Variants in PKP1 observed in about 807,000 individuals in gnomAD.
The protein encoded by PKP1 is plakophilin-1.
A neutral mutation model predicts 76.4 loss-of-function variants in PKP1; 27 were observed. That is an observed-to-expected ratio of 0.35 (90% confidence interval 0.26 to 0.49). The LOEUF (loss-of-function observed/expected upper bound fraction) is 0.49. Among genes scored for constraint, PKP1 ranks in the 20% least tolerant of loss-of-function variants. PKP1 has a pLI of 0.99. For missense variants in PKP1, 964 were observed against 955.2 expected (o/e 1.01, Z -0.12); for synonymous variants, 404 against 384.2 (o/e 1.05, Z -0.60).
At chr1:201,298,252 A>G (rs1156898423) in intron 2 of PKP1, among the ~76,000 whole-genome samples, 1 of 152,210 alleles carries the variant, frequency 6.6e-6, no homozygotes, top group African/African-American at 2.4e-5. Context: ...GATGCGGGGA[A>G]TAGAGAGCTG....
intron 3 of PKP1, among the ~76,000 whole-genome samples, chr1:201,314,621 G>A (rs1326234857): frequency 6.6e-6 from 1 of 152,254 alleles, no homozygotes; most frequent in Non-Finnish European, 1.5e-5. Flanking sequence ...GCCCCGTTAG[G>A]AGCCATAGAC....
At chr1:201,284,348 G>A (rs971688155) in intron 1 of PKP1, among the ~76,000 whole-genome samples, 1 of 152,194 alleles carries the variant, frequency 6.6e-6, no homozygotes, top group Non-Finnish European at 1.5e-5. Context: ...AACGGTTGTG[G>A]GCCACCCTTC....
chr1:201,294,003 C>G lies in PKP1; in HGVS notation c.264C>G (p.Tyr88Ter), dbSNP rs760921095. 6.2e-7 allele frequency: 1 copy of G among 1,613,944 alleles called. No homozygotes were observed. Among genetic ancestry groups the G allele is most frequent in the Admixed American group, 1.7e-5 (1 of 60,022 alleles). ...ATGGGACCACCAGCAGGAGCAGCTA[C>G]TACTCCAAGTTCCAGGCAGGGAATG... is the stretch of plus-strand genomic sequence containing the variant. Reference protein sequence around the residue: ...YNYGTTSRSSYYSKFQAGNGS... With the variant: ...YNYGTTSRSS The change falls in exon 2 of 14, where the codon TAC becomes TAG. Residue 88 changes from tyrosine to a stop codon, truncating the protein, a stop_gained. Coordinates refer to ENST00000367324, the MANE Select transcript of PKP1 (RefSeq NM_001005337.3). LOFTEE classifies it high-confidence loss of function.
At chr1:201,303,374 C>T (rs1282022260) in intron 2 of PKP1, among the ~76,000 whole-genome samples, 1 of 152,142 alleles carries the variant, frequency 6.6e-6, no homozygotes, top group Non-Finnish European at 1.5e-5. Flanking sequence ...GCAATCCTCC[C>T]ACCTCAGACT....
chr1:201,304,045 C>T (rs553214938), intron 2 of PKP1, among the ~76,000 whole-genome samples: 2 of 152,360 alleles, frequency 1.3e-5, no homozygotes, highest in Admixed American at 6.5e-5. Flanking sequence ...CTGCTGGGTG[C>T]TATGCCCTGT....
At chr1:201,324,004 G>A (rs1286994349) in intron 9 of PKP1, among the ~76,000 whole-genome samples, 1 of 152,182 alleles carries the variant, frequency 6.6e-6, no homozygotes, top group Non-Finnish European at 1.5e-5. Flanking sequence ...AAAGAGGTAG[G>A]AAAGTTGGAA....
rs1483148616 is a variant in PKP1, at chr1:201,332,227, C to A, written c.*2186C>A. 6.6e-6 allele frequency: 1 copy of A among 152,560 alleles called. No individual in the cohort carries two copies. Among genetic ancestry groups the A allele is most frequent in the African/African-American group, 2.4e-5 (1 of 41,464 alleles). 9.5% of individuals were successfully genotyped at this position (152,560 alleles called of 1,614,324 possible). A position where few individuals can be genotyped will look rare whatever the true frequency, so the allele number is the denominator to read the frequency against. ...CTTCCCCTTAGCACTACCCTGGCCT[C>A]CTGCATCCCCTCGCCTCATGTTCCT... On this transcript the variant is annotated 3_prime_UTR_variant, in exon 14 of 14. Transcript: ENST00000367324.
intron 1 of PKP1, among the ~76,000 whole-genome samples, chr1:201,293,317 G>A (rs756504101): frequency 3.3e-5 from 5 of 152,328 alleles, no homozygotes; most frequent in Middle Eastern, 3.4e-3. Context: ...TCCTCCTGCG[G>A]AGCCTGTCAT....
chr1:201,323,140 T>C lies in PKP1; in HGVS notation c.1631T>C (p.Leu544Pro). Residue 544 changes from leucine to proline, a missense_variant, in exon 9 of 14, where the codon CTG becomes CCG. Leu to Pro is a moderately conservative substitution (Grantham distance 98). Transcript: ENST00000367324. ...GGCAAGAGCAAGAAAGATGCTACCC[T>C]GGAGGCCTGTGCTGGTGCCCTGCAG... Reference protein sequence around the residue: ...LMGKSKKDATLEACAGALQNL... With the variant: ...LMGKSKKDATPEACAGALQNL... 6.2e-7 allele frequency: 1 copy of C among 1,614,154 alleles called. No individual in the cohort carries two copies. The highest frequency in any genetic ancestry group is 1.1e-5 in the South Asian group (1 of 91,082).
chr1:201,327,568 G>A (rs943124025), intron 12 of PKP1, among the ~76,000 whole-genome samples: 20 of 152,114 alleles, frequency 1.3e-4, no homozygotes, highest in African/African-American at 4.8e-4. Context: ...CTCCCGCTGT[G>A]TAATGGTGGT....
intron 1 of PKP1, among the ~76,000 whole-genome samples, chr1:201,288,939 A>C (rs1655818716): frequency 6.6e-6 from 1 of 152,150 alleles, no homozygotes; most frequent in Non-Finnish European, 1.5e-5. Flanking sequence ...ACAGCAACCC[A>C]GTTTGTTTCA....
At chr1:201,294,528 T>C (rs2102155535) in intron 2 of PKP1, among the ~76,000 whole-genome samples, 1 of 152,250 alleles carries the variant, frequency 6.6e-6, no homozygotes, top group South Asian at 2.1e-4. Flanking sequence ...CCCGACACAT[T>C]TGGGTTCAAA....
chr1:201,320,988 G>T (rs1483211113), intron 7 of PKP1, among the ~76,000 whole-genome samples: 2 of 152,216 alleles, frequency 1.3e-5, no homozygotes, highest in African/African-American at 2.4e-5. Flanking sequence ...AAGAAAAAAA[G>T]TTGTGGAGGG....
chr1:201,310,809 C>G (rs777558333), intron 2 of PKP1, among the ~76,000 whole-genome samples: 12 of 152,316 alleles, frequency 7.9e-5, no homozygotes, highest in Admixed American at 3.9e-4. Context: ...TGGTGGTAGG[C>G]TGGGAAATGC....
At chr1:201,310,656 T>C (rs1270988039) in intron 2 of PKP1, among the ~76,000 whole-genome samples, 1 of 152,204 alleles carries the variant, frequency 6.6e-6, no homozygotes, top group Non-Finnish European at 1.5e-5. Flanking sequence ...TTACTCCTGC[T>C]TGTCAAAGTG....
intron 2 of PKP1, among the ~76,000 whole-genome samples, chr1:201,301,083 T>G (rs948739268): frequency 2.0e-5 from 3 of 152,018 alleles, no homozygotes; most frequent in Admixed American, 6.5e-5. Flanking sequence ...CAGGGCCGAG[T>G]GAGCACGCTG....
chr1:201,328,684 G>A, intron 12 of PKP1, 78 bp from the exon 13 acceptor site: 1 of 1,288,160 alleles, frequency 7.8e-7, no homozygotes, highest in Non-Finnish European at 1.1e-6. Context: ...TGCTCTGGGA[G>A]GGCAGTGGAC....
intron 3 of PKP1, among the ~76,000 whole-genome samples, chr1:201,314,165 G>A (rs1424252223): frequency 6.6e-6 from 1 of 152,138 alleles, no homozygotes; most frequent in African/African-American, 2.4e-5. Flanking sequence ...AAAACTGAGG[G>A]ACATGGCCTG....
chr1:201,326,020 G>A (rs1293743854), intron 12 of PKP1, among the ~76,000 whole-genome samples, 182 bp downstream of exon 12: 4 of 152,318 alleles, frequency 2.6e-5, no homozygotes, highest in Non-Finnish European at 4.4e-5. Context: ...AAGTCTCTGG[G>A]CTCTGAGATC....
Sources: allele counts gnomAD v4.1 joint callset (sites outside exome capture counted in the v4.1 genomes callset), GRCh38; gene constraint gnomAD v4.1.1; transcripts MANE v1.5; gene names NCBI Gene and HGNC (gene_info 2026-07-23, HGNC 2026-07-21).